AGAP1: variants seen among roughly 807,000 people sequenced by gnomAD.
AGAP1 encodes the protein arf-GAP with GTPase, ANK repeat and PH domain-containing protein 1.
A neutral mutation model predicts 105.3 loss-of-function variants in AGAP1; 29 were observed. The observed-to-expected ratio is 0.28, with a 90% CI of 0.21 to 0.38. The LOEUF (loss-of-function observed/expected upper bound fraction) is 0.38, where lower values mean the gene tolerates loss of function less well. AGAP1 is among the 10% of genes least tolerant of loss of function. AGAP1 has a pLI of 1.00. For synonymous variants in AGAP1, 509 were observed against 485.9 expected (o/e 1.05, Z -0.63); for missense variants, 998 against 1,165.1 (o/e 0.86, Z 2.09).
chr2:235,600,345 C>G lies in AGAP1; in HGVS notation c.163+105496C>G, dbSNP rs1945686986. Among the ~76,000 whole-genome samples, 1 of 152,148 alleles carries G rather than the reference C, an allele frequency of 6.6e-6. No individual in the cohort carries two copies. The highest frequency in any genetic ancestry group is 2.1e-4 in the South Asian group (1 of 4,822). On this transcript the variant is annotated intron_variant, in intron 1 of 17. Transcript: ENST00000304032. The surrounding 1 kb of genome is among the most constrained non-coding windows in gnomAD (Gnocchi z 4.8). ...GCCTGCATGGACTGTGCTGGAAACA[C>G]TCAGTAGCAACTCAGGCTCAGGGAG...
chr2:235,641,204 T>C (rs935547832), intron 1 of AGAP1, among the ~76,000 whole-genome samples: 1 of 152,122 alleles, frequency 6.6e-6, no homozygotes, highest in African/African-American at 2.4e-5. Context: ...TAATGGGAGT[T>C]TTGAACTAAA....
intron 9 of AGAP1, among the ~76,000 whole-genome samples, chr2:235,818,268 G>A (rs916104564): frequency 2.0e-5 from 3 of 152,180 alleles, no homozygotes; most frequent in Admixed American, 2.0e-4. Context: ...TGTTCTAGAC[G>A]AAGAGTTTGA....
Position 236,002,394 on chromosome 2 carries a change from C to A in AGAP1, c.1645+33771C>A, listed in dbSNP as rs1362558183. Among the ~76,000 whole-genome samples, 1 of 152,236 alleles carries A rather than the reference C, an allele frequency of 6.6e-6. No individual in the cohort carries two copies. Among genetic ancestry groups the A allele is most frequent in the East Asian group, 1.9e-4 (1 of 5,200 alleles). ...CCTCATCCCCTTTCCCATCCTCACTCTCTTCCAAGTATCTGATTGCACGCA... is the reference window on the plus strand; with the variant it reads ...CCTCATCCCCTTTCCCATCCTCACTATCTTCCAAGTATCTGATTGCACGCA... On this transcript the variant is annotated intron_variant, in intron 13 of 17. Transcript: ENST00000304032. This position sits in a 1 kb window ranked among gnomAD's most constrained non-coding sequence, Gnocchi z 4.3.
intron 1 of AGAP1, among the ~76,000 whole-genome samples, chr2:235,528,303 T>G (rs963638804): frequency 1.3e-5 from 2 of 151,894 alleles, no homozygotes; most frequent in Non-Finnish European, 2.9e-5. Flanking sequence ...ACAAATTCTT[T>G]CACCCCAGCA....
At position 235,799,570 on chromosome 2, in the gene AGAP1, C is replaced by G. The variant is rs760804235; in HGVS notation, c.957+48C>G. 5 of 1,596,116 alleles carry G rather than the reference C, an allele frequency of 3.1e-6. No homozygotes were observed. In the South Asian group the frequency reaches 3.4e-5, roughly 11 times the overall value. On this transcript the variant is annotated intron_variant, in intron 8 of 17. Transcript: ENST00000304032. This position sits in a 1 kb window ranked among gnomAD's most constrained non-coding sequence, Gnocchi z 5.0. ...GATTTGAATGCGATTCCGAAGCGTT[C>G]CCATTAACGTAAACCTGGTTGCCAC...
At chr2:235,825,417 G>A (rs997192212) in intron 9 of AGAP1, among the ~76,000 whole-genome samples, 3 of 152,276 alleles carry the variant, frequency 2.0e-5, no homozygotes, top group South Asian at 2.1e-4. Flanking sequence ...CAGCATTAAC[G>A]AGTTTTTGAA....
chr2:235,634,543 C>A (rs1320164363), intron 1 of AGAP1, among the ~76,000 whole-genome samples: 1 of 152,174 alleles, frequency 6.6e-6, no homozygotes, highest in African/African-American at 2.4e-5. Flanking sequence ...GCAAGCCCAT[C>A]TCTAATCAGT....
chr2:235,802,801 T>TGTGGTG (rs77575751), intron 8 of AGAP1, among the ~76,000 whole-genome samples: 10 of 134,560 alleles, frequency 7.4e-5, no homozygotes, highest in South Asian at 2.3e-4. Flanking sequence ...TGATGATGGT[T>TGTGGTG]GTGGTGGTGG....
At chr2:235,525,432 C>T (rs1478069462) in intron 1 of AGAP1, among the ~76,000 whole-genome samples, 1 of 149,820 alleles carries the variant, frequency 6.7e-6, no homozygotes, top group Non-Finnish European at 1.5e-5. Context: ...AAGTAGAGGA[C>T]TGATACATAA....
At position 235,891,877 on chromosome 2, in the gene AGAP1, G is replaced by A. The variant is rs2050563238; in HGVS notation, c.1155+8428G>A. Among the ~76,000 whole-genome samples the A allele has an allele frequency of 6.6e-6, 1 of 152,178 alleles. No individual in the cohort carries two copies. The highest frequency in any genetic ancestry group is 1.9e-4 in the East Asian group (1 of 5,166). ...CTTTTAAAAAACCTCCTTCTGGCCA[G>A]GTGTGGTGGCTCACACCTGTAATCC... On this transcript the variant is annotated intron_variant, in intron 10 of 17. Transcript: ENST00000304032. The surrounding 1 kb of genome is among the most constrained non-coding windows in gnomAD (Gnocchi z 4.2).
intron 1 of AGAP1, among the ~76,000 whole-genome samples, chr2:235,678,641 A>G (rs1161961927): frequency 6.6e-6 from 1 of 151,808 alleles, no homozygotes; most frequent in Non-Finnish European, 1.5e-5. Flanking sequence ...TGATTTTTGT[A>G]CCTGGTCTTC....
intron 16 of AGAP1, among the ~76,000 whole-genome samples, chr2:236,091,645 C>G (rs1014800082): frequency 1.3e-5 from 2 of 152,080 alleles, no homozygotes; most frequent in Non-Finnish European, 2.9e-5. Context: ...TGGTGGCGTG[C>G]ACCTTAGTCC....
chr2:235,516,867 C>A (rs568685827), intron 1 of AGAP1, among the ~76,000 whole-genome samples: 1 of 152,318 alleles, frequency 6.6e-6, no homozygotes, highest in Non-Finnish European at 1.5e-5. Flanking sequence ...ACTGAACTTT[C>A]TTCTTTGGTT....
At chr2:235,529,416 A>C (rs1446336471) in intron 1 of AGAP1, among the ~76,000 whole-genome samples, 1 of 152,202 alleles carries the variant, frequency 6.6e-6, no homozygotes, top group African/African-American at 2.4e-5. Flanking sequence ...CAAATAGTGA[A>C]TCCAGGTTTG....
In AGAP1 at chr2:235,728,398, A is replaced by G. The variant is rs941306757; in HGVS notation, c.310+10754A>G. ...AATCTGCAAAAGATGACAGTTTCAT[A>G]TGATTCCAATGGCTTAAACTAACAA... On this transcript the variant is annotated intron_variant, in intron 3 of 17. Coordinates refer to ENST00000304032, the MANE Select transcript of AGAP1 (RefSeq NM_001037131.3). The surrounding 1 kb of genome is among the most constrained non-coding windows in gnomAD (Gnocchi z 4.3). Among the ~76,000 whole-genome samples the G allele has an allele frequency of 6.6e-6, 1 of 152,126 alleles. No individual in the cohort carries two copies. Among genetic ancestry groups the G allele is most frequent in the Non-Finnish European group, 1.5e-5 (1 of 68,044 alleles).
At chr2:235,694,775 T>G (rs1949919510) in intron 1 of AGAP1, among the ~76,000 whole-genome samples, 1 of 152,204 alleles carries the variant, frequency 6.6e-6, no homozygotes, top group South Asian at 2.1e-4. Context: ...ACAGCTCACC[T>G]TGTATATGTG....
chr2:235,878,748 C>T (rs566444913), intron 9 of AGAP1, among the ~76,000 whole-genome samples: 10 of 152,330 alleles, frequency 6.6e-5, no homozygotes, highest in African/African-American at 1.7e-4. Flanking sequence ...AGCCCCTGTC[C>T]GCTCATGTTC....
Position 236,047,598 on chromosome 2 carries a change from C to CTTTTTTTTTTTTTT in AGAP1, c.1892-1452_1892-1439dup, listed in dbSNP as rs59007077. Among the ~76,000 whole-genome samples the CTTTTTTTTTTTTTT allele has an allele frequency of 8.6e-4, 59 of 68,288 alleles. 4 individuals carry two copies. The highest frequency in any genetic ancestry group is 1.2e-3 in the East Asian group (2 of 1,680). The allele number at this position is 68,288 out of a possible 152,430, so 44.8% of individuals were successfully genotyped here. A position where few individuals can be genotyped will look rare whatever the true frequency, so the allele number is the denominator to read the frequency against. On this transcript the variant is annotated intron_variant, in intron 15 of 17. Transcript: ENST00000304032. ...GTCACAGACCTCTCTTCTCACATTT[C>CTTTTTTTTTTTTTT]TTTTTTTTTTTTTTTTTTTTTTGAG...
intron 6 of AGAP1, among the ~76,000 whole-genome samples, chr2:235,759,550 A>G (rs895329658): frequency 6.6e-6 from 1 of 152,214 alleles, no homozygotes; most frequent in Non-Finnish European, 1.5e-5. Context: ...TGACCTGCCT[A>G]GTAGCTTATC....
Sources: gnomAD v4.1 joint callset for allele counts (sites outside exome capture counted in the v4.1 genomes callset) on GRCh38, gnomAD v4.1.1 for gene constraint, Gnocchi (gnomAD v3.1) non-coding constraint, MANE v1.5 for transcripts, NCBI Gene and HGNC (gene_info 2026-07-23, HGNC 2026-07-21) for gene names.